DNAH7: variants seen among roughly 807,000 people sequenced by gnomAD.
DNAH7 encodes axonemal beta dynein heavy chain 7.
A neutral mutation model predicts 444.6 loss-of-function variants in DNAH7; 397 were observed. The ratio of observed to expected loss-of-function variants is 0.89; its 90% CI spans 0.82 to 0.97. DNAH7 has a LOEUF of 0.97. Ranked by LOEUF, DNAH7 falls within the 50% of genes least tolerant of loss-of-function variation. DNAH7 has a pLI of 0.00. For synonymous variants in DNAH7, 1,636 were observed against 1,624.4 expected (o/e 1.01, Z -0.17); for missense variants, 4,902 against 4,800.8 (o/e 1.02, Z -0.62).
At chr2:195,937,733 T>C (rs1689150413) in intron 19 of DNAH7, among the ~76,000 whole-genome samples, 1 of 152,130 alleles carries the variant, frequency 6.6e-6, no homozygotes, top group South Asian at 2.1e-4. Flanking sequence ...TCTGGGTCTA[T>C]TCTTGGTCTT....
At chr2:196,049,574 G>A (rs1449188561) in intron 3 of DNAH7, among the ~76,000 whole-genome samples, 2 of 152,062 alleles carry the variant, frequency 1.3e-5, no homozygotes, top group Non-Finnish European at 2.9e-5. Flanking sequence ...CCTTAATACT[G>A]TATTCAAATA....
intron 24 of DNAH7, among the ~76,000 whole-genome samples, chr2:195,912,620 G>A (rs1291696779): frequency 6.6e-6 from 1 of 152,176 alleles, no homozygotes; most frequent in Non-Finnish European, 1.5e-5. Context: ...GGAGAATCCG[G>A]TCACTGGAAG....
chr2:195,890,909 A>T (rs1041505205), intron 31 of DNAH7, among the ~76,000 whole-genome samples: 1 of 152,228 alleles, frequency 6.6e-6, no homozygotes. Context: ...AAAAAGAATG[A>T]TTTGATAAAC....
intron 8 of DNAH7, among the ~76,000 whole-genome samples, chr2:196,022,299 A>G (rs1695430837): frequency 6.6e-6 from 1 of 152,218 alleles, no homozygotes. Context: ...GACATCTGCC[A>G]CATCCTCAAT....
At chr2:196,019,974 CCTT>C (rs1311602318) in intron 8 of DNAH7, among the ~76,000 whole-genome samples, 3 of 151,002 alleles carry the variant, frequency 2.0e-5, no homozygotes, top group African/African-American at 4.9e-5. Flanking sequence ...TTTCCCTCCT[CCTT>C]CACCTCCTCT....
chr2:196,057,968 A>G (rs934826350), intron 2 of DNAH7, 86 bp downstream of exon 2: 2 of 1,116,148 alleles, frequency 1.8e-6, no homozygotes, highest in Non-Finnish European at 2.5e-6. Flanking sequence ...AAAATCAGAA[A>G]TTCAGTAACT....
intron 46 of DNAH7, 39 bp downstream of exon 46, chr2:195,853,304 G>A (rs1206590915): frequency 8.3e-6 from 13 of 1,567,664 alleles, no homozygotes; most frequent in Non-Finnish European, 1.1e-5. Context: ...TGGCTGTGAT[G>A]GGCAGAGGGT....
rs577440950 is a variant in DNAH7 at position 196,030,379 on chromosome 2, G to A, written c.399-2332C>T. On this transcript the variant is annotated intron_variant, in intron 5 of 64. Transcript: ENST00000312428. ...TAATTATGGGAGTACAATTCAAGAT[G>A]CAGTTTAGGTGGAGGCACAGAGCCA... is the stretch of plus-strand genomic sequence containing the variant. Among the ~76,000 whole-genome samples the A allele has an allele frequency of 2.2e-4, 34 of 152,316 alleles. 1 individual carries two copies. The highest frequency in any genetic ancestry group is 7.9e-4 in the African/African-American group (33 of 41,572).
At chr2:195,856,285 G>A (rs1001122550) in intron 44 of DNAH7, among the ~76,000 whole-genome samples, 2 of 152,132 alleles carry the variant, frequency 1.3e-5, no homozygotes, top group Non-Finnish European at 2.9e-5. Context: ...ATATTACAAT[G>A]TTATTAGAAG....
chr2:196,053,566 T>C (rs746589986), intron 2 of DNAH7, among the ~76,000 whole-genome samples: 4 of 152,188 alleles, frequency 2.6e-5, no homozygotes, highest in Non-Finnish European at 4.4e-5. Flanking sequence ...GAGGCTAGTT[T>C]AGCAGGTTTT....
chr2:195,954,899 A>T (rs193035682), intron 19 of DNAH7, among the ~76,000 whole-genome samples: 4 of 152,056 alleles, frequency 2.6e-5, no homozygotes, highest in Admixed American at 6.5e-5. Flanking sequence ...AATTTGTTGG[A>T]GTTCTTTGTA....
chr2:195,799,167 G>A, intron 55 of DNAH7, 129 bp downstream of exon 55: 1 of 763,168 alleles, frequency 1.3e-6, no homozygotes, highest in Non-Finnish European at 1.9e-6. Context: ...TTGGGATTCT[G>A]TCAACTTGTG....
Position 195,824,307 on chromosome 2 carries a change from T to C in DNAH7, c.9239A>G (p.Tyr3080Cys), listed in dbSNP as rs749586673. 5 of 1,613,748 alleles carry C rather than the reference T, an allele frequency of 3.1e-6. No individual in the cohort carries two copies. The highest frequency in any genetic ancestry group is 2.2e-5 in the East Asian group (1 of 44,878). ...TIEYAPDFRF[Y>C]ITTKLRNPHY... is the part of the protein sequence containing the mutation. Reference sequence around the variant, plus strand: ...AGGATTTCTTAACTTGGTAGTAATATAGAAGCGGAAGTCAGGTGCATATTC... The same window carrying C: ...AGGATTTCTTAACTTGGTAGTAATACAGAAGCGGAAGTCAGGTGCATATTC... The change falls in exon 49 of 65, where the codon TAT becomes TGT. Residue 3080 changes from tyrosine to cysteine, a missense_variant. Physicochemically the swap from Tyr to Cys is radical, Grantham distance 194 (BLOSUM62 -2). Transcript: ENST00000312428.
intron 45 of DNAH7, among the ~76,000 whole-genome samples, 155 bp downstream of exon 45, chr2:195,855,656 G>A (rs574265740): frequency 3.0e-4 from 46 of 152,262 alleles, no homozygotes; most frequent in Non-Finnish European, 5.0e-4. Context: ...TGGGCCACAC[G>A]AAAACAGGCG....
intron 58 of DNAH7, among the ~76,000 whole-genome samples, chr2:195,784,912 CT>C (rs36020233): frequency 0.48 from 59,444 of 123,188 alleles, 11,513 homozygotes; most frequent in Non-Finnish European, 0.55. Context: ...ATCTTTGACC[CT>C]TTTTTTTTTT....
In DNAH7 at chr2:195,816,929, C is replaced by T. The variant is rs1697250224; in HGVS notation, c.9460G>A (p.Val3154Ile). Residue 3154 changes from valine (V) to isoleucine (I), a missense_variant, in exon 51 of 65, where the codon GTT (valine) becomes ATT (isoleucine). Val to Ile is a conservative substitution (Grantham distance 29, BLOSUM62 3). Coordinates refer to ENST00000312428, the MANE Select transcript of DNAH7 (RefSeq NM_018897.3). The stretch of plus-strand genomic sequence containing the variant: ...ATATTGCCTTCCGAAGATGAAAGAA[C>T]TTCTAAAATCTTGTCTTCTATTTCT... ...LKEIEDKILE[V>I]LSSSEGNILE... 6.2e-7 allele frequency: 1 copy of T among 1,603,726 alleles called. No individual in the cohort carries two copies. Among genetic ancestry groups the T allele is most frequent in the African/African-American group, 1.3e-5 (1 of 74,494 alleles).
In DNAH7 at chr2:195,865,016, A is replaced by G. The variant is rs751131234; in HGVS notation, c.6639T>C (p.Leu2213=). The part of the protein sequence containing the change: ...VIKRLWVHEV[L]RVYYDRLLDN... Reference sequence around the variant, plus strand: ...CCAGAAGGCGGTCATAATACACTCGAAGGACCTGTATAATAATTAAAAAGC... The same window carrying G: ...CCAGAAGGCGGTCATAATACACTCGGAGGACCTGTATAATAATTAAAAAGC... The change falls in exon 41 of 65, where the codon CTT becomes CTC. Residue 2213 remains leucine, a synonymous_variant. Transcript: ENST00000312428. The G allele has an allele frequency of 9.4e-6, 15 of 1,587,462 alleles. No individual in the cohort carries two copies. In the Admixed American group the frequency reaches 1.2e-4, roughly 13 times the overall value.
At chr2:195,840,767 C>T (rs1461790785) in intron 47 of DNAH7, among the ~76,000 whole-genome samples, 1 of 151,502 alleles carries the variant, frequency 6.6e-6, no homozygotes. Flanking sequence ...TAAATCTAAC[C>T]ACAAAACACT....
intron 19 of DNAH7, among the ~76,000 whole-genome samples, chr2:195,940,660 G>A (rs1043064580): frequency 6.6e-6 from 1 of 151,476 alleles, no homozygotes; most frequent in African/African-American, 2.4e-5. Flanking sequence ...GAATCTACAA[G>A]GAACTTAAGC....
Sources: allele counts gnomAD v4.1 joint callset (sites outside exome capture counted in the v4.1 genomes callset), GRCh38; gene constraint gnomAD v4.1.1; transcripts MANE v1.5; gene names NCBI Gene and HGNC (gene_info 2026-07-23, HGNC 2026-07-21).